Variants in PRKG1 observed in about 807,000 individuals in gnomAD.
PRKG1 encodes the protein protein kinase cGMP-dependent 1, also known as cGMP-dependent protein kinase 1.
Under a neutral mutation model 88.1 loss-of-function variants are expected in PRKG1, and 35 were observed. The ratio of observed to expected loss-of-function variants is 0.40; its 90% CI spans 0.30 to 0.53. The LOEUF (loss-of-function observed/expected upper bound fraction) is 0.53. PRKG1 is among the 20% of genes least tolerant of loss of function. PRKG1 has a pLI of 0.59. For synonymous variants in PRKG1, 303 were observed against 292.5 expected, an observed-to-expected ratio of 1.04 and a Z score of -0.37; for missense variants, 540 against 839.8, an observed-to-expected ratio of 0.64 and a Z score of 4.41.
At chr10:51,972,154 G>A (rs969332181) in intron 5 of PRKG1, among the ~76,000 whole-genome samples, 2 of 152,032 alleles carry the variant, frequency 1.3e-5, no homozygotes, top group African/African-American at 2.4e-5. Context: ...ATGAGCATGT[G>A]TAATAATATG....
chr10:52,025,250 C>T (rs1305526514), intron 5 of PRKG1, among the ~76,000 whole-genome samples: 1 of 152,098 alleles, frequency 6.6e-6, no homozygotes, highest in East Asian at 1.9e-4. Context: ...GGGTAGATTG[C>T]AAAAATTTTC....
chr10:51,322,877 T>A (rs892562789), intron 2 of PRKG1, among the ~76,000 whole-genome samples: 4 of 152,238 alleles, frequency 2.6e-5, no homozygotes, highest in Non-Finnish European at 4.4e-5. Context: ...AACTACAGAA[T>A]ATTATTACTG....
intron 5 of PRKG1, among the ~76,000 whole-genome samples, chr10:51,950,777 C>T (rs193036865): frequency 9.4e-4 from 143 of 152,384 alleles, no homozygotes; most frequent in African/African-American, 3.4e-3. Context: ...GGCAAAAGGC[C>T]AGTGGGACAG....
At chr10:51,608,144 C>G (rs1005761632) in intron 3 of PRKG1, among the ~76,000 whole-genome samples, 1 of 152,154 alleles carries the variant, frequency 6.6e-6, no homozygotes, top group Non-Finnish European at 1.5e-5. Flanking sequence ...CAGTCATGTG[C>G]TGCGTAACAA....
chr10:52,076,377 C>A (rs553198864), intron 7 of PRKG1, among the ~76,000 whole-genome samples: 1 of 152,108 alleles, frequency 6.6e-6, no homozygotes, highest in African/African-American at 2.4e-5. Context: ...GCCAACATGG[C>A]GAAACCCTGT....
At chr10:51,927,930 G>C (rs989839108) in intron 5 of PRKG1, among the ~76,000 whole-genome samples, 1 of 152,140 alleles carries the variant, frequency 6.6e-6, no homozygotes, top group Non-Finnish European at 1.5e-5. Flanking sequence ...TAATTCTCTG[G>C]ATACATTTCT....
intron 1 of PRKG1, among the ~76,000 whole-genome samples, chr10:51,108,324 A>C (rs1049724815): frequency 6.6e-6 from 1 of 152,140 alleles, no homozygotes; most frequent in Non-Finnish European, 1.5e-5. Flanking sequence ...AAGATGCTTC[A>C]TGAACATAAA....
At chr10:52,064,580 G>A (rs750181656) in intron 7 of PRKG1, among the ~76,000 whole-genome samples, 1 of 152,206 alleles carries the variant, frequency 6.6e-6, no homozygotes, top group Non-Finnish European at 1.5e-5. Context: ...GGGGAGAAAA[G>A]GGCTCCTGCT....
At chr10:51,410,256 G>GTATA (rs34400449) in intron 2 of PRKG1, among the ~76,000 whole-genome samples, 3,616 of 140,530 alleles carry the variant, frequency 0.026, 52 homozygotes, top group Non-Finnish European at 0.035. Flanking sequence ...GTGTGTGTGT[G>GTATA]TGTATATATA....
intron 2 of PRKG1, among the ~76,000 whole-genome samples, chr10:51,460,260 A>G (rs1238600669): frequency 6.6e-6 from 1 of 152,174 alleles, no homozygotes; most frequent in Non-Finnish European, 1.5e-5. Flanking sequence ...ATATTAAAAC[A>G]TAACAAAAAT....
chr10:52,104,764 C>G lies in PRKG1; in HGVS notation c.936-29076C>G, dbSNP rs1279134823. 4.6e-5 allele frequency among the ~76,000 whole-genome samples: 7 copies of G among 152,132 alleles called. No homozygotes were observed. The South Asian group carries it at 1.0e-3, about 23-fold the overall frequency. On this transcript the variant is annotated intron_variant, in intron 7 of 17. Coordinates refer to ENST00000373980, the MANE Select transcript of PRKG1 (RefSeq NM_006258.4). ...AAGACACATTATCATATTAATTACT[C>G]TATTAATTTATGCTACCCTATCAGT... is the stretch of plus-strand genomic sequence containing the variant.
intron 7 of PRKG1, among the ~76,000 whole-genome samples, chr10:52,123,737 C>A (rs574761921): frequency 6.6e-6 from 1 of 152,218 alleles, no homozygotes; most frequent in African/African-American, 2.4e-5. Flanking sequence ...CTTAAAACTT[C>A]ATTCTATCAT....
chr10:52,120,051 G>A (rs1298854659), intron 7 of PRKG1, among the ~76,000 whole-genome samples: 1 of 152,000 alleles, frequency 6.6e-6, no homozygotes, highest in East Asian at 1.9e-4. Flanking sequence ...GGGAGACAGA[G>A]ACAGAGAGAG....
chr10:51,987,632 A>G (rs751391650), intron 5 of PRKG1, among the ~76,000 whole-genome samples: 1 of 152,102 alleles, frequency 6.6e-6, no homozygotes, highest in African/African-American at 2.4e-5. Context: ...AATGTATTCT[A>G]TAAGTTTATC....
chr10:52,196,018 G>GTT (rs201735268), intron 9 of PRKG1, among the ~76,000 whole-genome samples: 1 of 150,366 alleles, frequency 6.7e-6, no homozygotes, highest in African/African-American at 2.4e-5. Context: ...TTTGTTTTTT[G>GTT]TTTTTTTTTC....
intron 2 of PRKG1, among the ~76,000 whole-genome samples, chr10:51,234,687 C>T (rs979001159): frequency 6.6e-6 from 1 of 152,050 alleles, no homozygotes. Context: ...AAAAAAAATC[C>T]TTCTAAATAG....
intron 3 of PRKG1, among the ~76,000 whole-genome samples, chr10:51,758,512 G>A (rs539552363): frequency 1.3e-5 from 2 of 152,230 alleles, no homozygotes; most frequent in South Asian, 4.1e-4. Flanking sequence ...CAGAAGGGGA[G>A]ACGACAACAG....
At chr10:51,950,440 C>T (rs1843155043) in intron 5 of PRKG1, among the ~76,000 whole-genome samples, 2 of 152,216 alleles carry the variant, frequency 1.3e-5, no homozygotes, top group African/African-American at 4.8e-5. Context: ...TGTAGTGACA[C>T]AGGAATTTTC....
chr10:51,339,926 T>G (rs969872133), intron 2 of PRKG1, among the ~76,000 whole-genome samples: 1 of 152,112 alleles, frequency 6.6e-6, no homozygotes, highest in Non-Finnish European at 1.5e-5. Flanking sequence ...CTAGAAGACT[T>G]GCTGAGACAA....
Sources: gnomAD v4.1 joint callset for allele counts (sites outside exome capture counted in the v4.1 genomes callset) on GRCh38, gnomAD v4.1.1 for gene constraint, MANE v1.5 for transcripts, NCBI Gene and HGNC (gene_info 2026-07-23, HGNC 2026-07-21) for gene names.